Variants in SCRG1 observed in about 807,000 individuals in gnomAD.
The protein encoded by SCRG1 is scrapie-responsive protein 1.
SCRG1 carries 3 observed loss-of-function variants against 7.7 expected under a neutral mutation model. The observed-to-expected ratio is 0.39, with a 90% CI of 0.18 to 1.01. The LOEUF (loss-of-function observed/expected upper bound fraction) is 1.01. SCRG1 is among the 50% of genes least tolerant of loss of function. The pLI is 0.36. For synonymous variants in SCRG1, 46 were observed against 41.2 expected (o/e 1.12, Z -0.44); for missense variants, 110 against 117.2 (o/e 0.94, Z 0.28).
chr4:173,425,222 T>G, the SCRG1 span, among the ~76,000 whole-genome samples: 1 of 152,196 alleles, frequency 6.6e-6, no homozygotes, highest in Non-Finnish European at 1.5e-5. Flanking sequence ...GAGTTACCAG[T>G]AAGTTGTCAA....
the SCRG1 span, among the ~76,000 whole-genome samples, chr4:173,509,664 C>T: frequency 6.6e-6 from 1 of 152,162 alleles, no homozygotes; most frequent in Middle Eastern, 3.2e-3. The surrounding 1 kb of genome is among the most constrained non-coding windows in gnomAD (Gnocchi z 5.7). Context: ...CTGGGCCGCG[C>T]GGCTGCAGCC....
At chr4:173,498,738 ATG>A in the SCRG1 span, among the ~76,000 whole-genome samples, 58 of 151,926 alleles carry the variant, frequency 3.8e-4, no homozygotes, top group African/African-American at 8.4e-4. Context: ...ATGTATGTAT[ATG>A]TGTGTGTGTG....
At chr4:173,487,717 C>T in the SCRG1 span, among the ~76,000 whole-genome samples, 10,961 of 151,778 alleles carry the variant, frequency 0.072, 674 homozygotes, top group East Asian at 0.28. Flanking sequence ...CATATTTGGG[C>T]TTTTTTTAAA....
the SCRG1 span, among the ~76,000 whole-genome samples, chr4:173,461,439 C>T: frequency 1.3e-5 from 2 of 152,230 alleles, no homozygotes; most frequent in African/African-American, 4.8e-5. Flanking sequence ...AGATAATTCT[C>T]CTGGATCTTG....
At chr4:173,438,037 G>A in the SCRG1 span, among the ~76,000 whole-genome samples, 19 of 152,118 alleles carry the variant, frequency 1.2e-4, no homozygotes, top group African/African-American at 4.3e-4. Context: ...TCAAAATTGT[G>A]GTTGTGTAGC....
At chr4:173,477,433 A>G in the SCRG1 span, among the ~76,000 whole-genome samples, 1 of 152,138 alleles carries the variant, frequency 6.6e-6, no homozygotes, top group Non-Finnish European at 1.5e-5. Context: ...TTATTCGGTC[A>G]TTCCCAAAAT....
chr4:173,440,352 G>C, the SCRG1 span, among the ~76,000 whole-genome samples: 3 of 152,190 alleles, frequency 2.0e-5, no homozygotes, highest in African/African-American at 7.2e-5. Flanking sequence ...AATTCTAGGG[G>C]AATGGGCACG....
At chr4:173,406,967 G>T (rs1055023506), upstream of SCRG1, among the ~76,000 whole-genome samples, 2 of 152,136 alleles carry the variant, frequency 1.3e-5, no homozygotes, top group African/African-American at 2.4e-5. Context: ...CAGCACTTTG[G>T]GGGGCCGAGA....
chr4:173,477,065 G>C, the SCRG1 span, among the ~76,000 whole-genome samples: 1 of 152,160 alleles, frequency 6.6e-6, no homozygotes, highest in Non-Finnish European at 1.5e-5. Context: ...TTTGTTGTTG[G>C]AAATGGCAGC....
At chr4:173,426,789 G>T in the SCRG1 span, among the ~76,000 whole-genome samples, 157 of 152,270 alleles carry the variant, frequency 1.0e-3, no homozygotes, top group Non-Finnish European at 1.8e-3. Context: ...TTTTCTTGCT[G>T]TTGATTTGGA....
At chr4:173,466,336 A>G in the SCRG1 span, among the ~76,000 whole-genome samples, 1 of 152,174 alleles carries the variant, frequency 6.6e-6, no homozygotes, top group African/African-American at 2.4e-5. Flanking sequence ...CATTCTAGGA[A>G]GGGAATCCAA....
the SCRG1 span, among the ~76,000 whole-genome samples, chr4:173,425,168 G>A: frequency 6.6e-6 from 1 of 152,172 alleles, no homozygotes; most frequent in Non-Finnish European, 1.5e-5. Flanking sequence ...TTAAGGCTGA[G>A]TAATCCATAA....
At chr4:173,484,419 AT>A in the SCRG1 span, among the ~76,000 whole-genome samples, 1 of 71,824 alleles carries the variant, frequency 1.4e-5, no homozygotes, top group Non-Finnish European at 2.4e-5. Flanking sequence ...CATATAATAT[AT>A]ATTATATATT....
At chr4:173,395,903 T>C (rs560602703) in intron 1 of SCRG1, among the ~76,000 whole-genome samples, 17 of 152,312 alleles carry the variant, frequency 1.1e-4, no homozygotes, top group South Asian at 1.0e-3. Flanking sequence ...CTAGAAGATA[T>C]GATAAAGAGT....
the SCRG1 span, among the ~76,000 whole-genome samples, chr4:173,484,492 TATA>T: frequency 2.9e-5 from 1 of 34,420 alleles, no homozygotes; most frequent in East Asian, 9.8e-4. Context: ...ATTATATACA[TATA>T]ATATATATTA....
the SCRG1 span, among the ~76,000 whole-genome samples, chr4:173,492,800 G>A: frequency 3.3e-5 from 5 of 152,180 alleles, no homozygotes; most frequent in Non-Finnish European, 5.9e-5. Context: ...CAAATCCTAC[G>A]TGACCGCACT....
the SCRG1 span, among the ~76,000 whole-genome samples, chr4:173,513,126 T>G: frequency 5.9e-5 from 9 of 152,328 alleles, no homozygotes; most frequent in Non-Finnish European, 1.0e-4. Flanking sequence ...GTAGACCTTT[T>G]CATTTTGAGT....
the SCRG1 span, among the ~76,000 whole-genome samples, chr4:173,443,338 A>C: frequency 6.6e-6 from 1 of 152,206 alleles, no homozygotes; most frequent in African/African-American, 2.4e-5. Context: ...TGTATTATGC[A>C]ATGATTAAGG....
upstream of SCRG1, among the ~76,000 whole-genome samples, chr4:173,400,260 C>T (rs1199825429): frequency 6.6e-6 from 1 of 152,066 alleles, no homozygotes; most frequent in Non-Finnish European, 1.5e-5. Context: ...TTATGTTTAG[C>T]ATAGAGATAG....
Sources: allele counts gnomAD v4.1 joint callset (sites outside exome capture counted in the v4.1 genomes callset), GRCh38; gene constraint gnomAD v4.1.1; non-coding constraint Gnocchi (gnomAD v3.1); transcripts MANE v1.5; gene names NCBI Gene and HGNC (gene_info 2026-07-23, HGNC 2026-07-21).